The following DLG1 variants were observed in gnomAD, a reference collection of about 807,000 sequenced individuals.
The protein encoded by DLG1 is discs large MAGUK scaffold protein 1.
In DLG1, 42 loss-of-function variants were observed where a neutral mutation model predicts 123.4. That is an observed-to-expected ratio of 0.34 (90% CI 0.27 to 0.44). DLG1 has a LOEUF of 0.44. Ranked by LOEUF, DLG1 falls within the 20% of genes least tolerant of loss-of-function variation. The probability of loss-of-function intolerance (pLI) is 1.00; values close to 1 mark genes in which losing one functional copy is unlikely to be tolerated. For synonymous variants in DLG1, 317 were observed against 356.2 expected (o/e 0.89, Z 1.24); for missense variants, 942 against 1,082.6 (o/e 0.87, Z 1.82).
chr3:197,085,240 C>T (rs987006498), intron 16 of DLG1: 2 of 238,426 alleles, frequency 8.4e-6, no homozygotes, highest in Non-Finnish European at 8.4e-6. Flanking sequence ...CACTTAGGAC[C>T]GACCCTCTTA....
At chr3:197,064,042 C>T (rs1737715125) in intron 22 of DLG1, among the ~76,000 whole-genome samples, 1 of 151,792 alleles carries the variant, frequency 6.6e-6, no homozygotes, top group African/African-American at 2.4e-5. Flanking sequence ...CCTGCCTCAG[C>T]CTCCTTAGCC....
At chr3:197,051,172 G>A (rs1284295419) in intron 24 of DLG1, among the ~76,000 whole-genome samples, 2 of 152,072 alleles carry the variant, frequency 1.3e-5, no homozygotes, top group Non-Finnish European at 2.9e-5. Context: ...TCAGGAGTTC[G>A]AGACCAGCCT....
At chr3:197,204,025 A>G (rs1162196428) in intron 4 of DLG1, among the ~76,000 whole-genome samples, 1 of 152,226 alleles carries the variant, frequency 6.6e-6, no homozygotes, top group Non-Finnish European at 1.5e-5. Context: ...ACTTACTTAA[A>G]TAGAGTACAA....
intron 3 of DLG1, among the ~76,000 whole-genome samples, chr3:197,293,494 AT>A (rs895857889): frequency 6.6e-6 from 1 of 152,208 alleles, no homozygotes; most frequent in African/African-American, 2.4e-5. Context: ...TATACCAGAT[AT>A]TGAAATATTT....
chr3:197,075,215 T>TA (rs1371585575), intron 18 of DLG1, among the ~76,000 whole-genome samples: 1 of 142,834 alleles, frequency 7.0e-6, no homozygotes, highest in African/African-American at 2.6e-5. Flanking sequence ...GCTAGAAAAT[T>TA]AAACAAGAAC....
chr3:197,154,460 G>C (rs564736722), intron 5 of DLG1, among the ~76,000 whole-genome samples: 92 of 152,182 alleles, frequency 6.0e-4, no homozygotes, highest in African/African-American at 2.1e-3. Flanking sequence ...TGGATCACTA[G>C]GTCAGGAGAT....
chr3:197,089,848 C>T (rs987481436), intron 15 of DLG1, among the ~76,000 whole-genome samples: 29 of 151,640 alleles, frequency 1.9e-4, no homozygotes, highest in African/African-American at 6.5e-4. Context: ...CTAGAATTGG[C>T]GAAGGGAAAA....
chr3:197,164,487 T>C (rs905023712), intron 5 of DLG1, among the ~76,000 whole-genome samples: 8 of 152,160 alleles, frequency 5.3e-5, no homozygotes, highest in African/African-American at 1.4e-4. Flanking sequence ...TGTTTTAAGG[T>C]ACTCCCATAA....
At chr3:197,217,345 T>C (rs1734618756) in intron 4 of DLG1, among the ~76,000 whole-genome samples, 1 of 152,218 alleles carries the variant, frequency 6.6e-6, no homozygotes, top group African/African-American at 2.4e-5. Context: ...TTTCCAATTA[T>C]GGATCAAGAA....
chr3:197,283,884 C>CAT (rs1770563061), intron 3 of DLG1, among the ~76,000 whole-genome samples: 1 of 118,956 alleles, frequency 8.4e-6, no homozygotes, highest in Non-Finnish European at 1.6e-5. Context: ...TTTTTTGAGA[C>CAT]AGAGTCTCGC....
chr3:197,225,673 T>A (rs1467919270), intron 4 of DLG1, among the ~76,000 whole-genome samples: 2 of 152,186 alleles, frequency 1.3e-5, no homozygotes, highest in Non-Finnish European at 2.9e-5. Flanking sequence ...AAAAATCAGA[T>A]CCTTTTCTAC....
At chr3:197,194,373 A>G in intron 5 of DLG1, 52 bp downstream of exon 5, 3 of 1,264,010 alleles carry the variant, frequency 2.4e-6, no homozygotes, top group East Asian at 2.8e-5. Context: ...AGCTATATGT[A>G]TAACAAAAGT....
At chr3:197,081,987 A>G (rs1751421840) in intron 16 of DLG1, among the ~76,000 whole-genome samples, 1 of 152,250 alleles carries the variant, frequency 6.6e-6, no homozygotes, top group Non-Finnish European at 1.5e-5. Flanking sequence ...CTACCAAAAC[A>G]AGACTATGAA....
At chr3:197,195,727 T>C (rs1270189082) in intron 4 of DLG1, among the ~76,000 whole-genome samples, 2 of 151,794 alleles carry the variant, frequency 1.3e-5, no homozygotes, top group East Asian at 3.9e-4. Context: ...GGGGACTGCT[T>C]GACTGGGGAG....
At chr3:197,244,595 C>CT (rs76082153) in intron 4 of DLG1, among the ~76,000 whole-genome samples, 155 of 143,210 alleles carry the variant, frequency 1.1e-3, no homozygotes, top group South Asian at 2.5e-3. Flanking sequence ...GAGGGTTAAG[C>CT]TTTTTTTTTT....
At chr3:197,068,165 T>TA (rs1246635703) in intron 19 of DLG1, among the ~76,000 whole-genome samples, 1 of 152,220 alleles carries the variant, frequency 6.6e-6, no homozygotes, top group Non-Finnish European at 1.5e-5. Context: ...ACCAATATTT[T>TA]ATAAGCTGTT....
intron 3 of DLG1, among the ~76,000 whole-genome samples, chr3:197,293,293 G>A (rs1332335968): frequency 2.0e-5 from 3 of 152,144 alleles, no homozygotes; most frequent in Non-Finnish European, 4.4e-5. Flanking sequence ...CAATACATCA[G>A]CTGAAATTCA....
intron 18 of DLG1, among the ~76,000 whole-genome samples, chr3:197,074,523 T>C (rs1258462509): frequency 6.6e-6 from 1 of 152,066 alleles, no homozygotes. Context: ...AATCTGTGGG[T>C]CCATTTGTTG....
chr3:197,253,426 G>A (rs947279490), intron 4 of DLG1, among the ~76,000 whole-genome samples: 8 of 152,078 alleles, frequency 5.3e-5, no homozygotes, highest in East Asian at 1.9e-4. Context: ...GGAAAAACTC[G>A]ATCATTCACA....
Sources: gnomAD v4.1 joint callset for allele counts (sites outside exome capture counted in the v4.1 genomes callset) on GRCh38, gnomAD v4.1.1 for gene constraint, MANE v1.5 for transcripts, NCBI Gene and HGNC (gene_info 2026-07-23, HGNC 2026-07-21) for gene names.